PAPPA2: variants seen among roughly 807,000 people sequenced by gnomAD.
The protein encoded by PAPPA2 is pappalysin-2.
PAPPA2 carries 86 observed loss-of-function variants against 176.4 expected under a neutral mutation model. That is an observed-to-expected ratio of 0.49 (90% CI 0.41 to 0.58). The LOEUF (loss-of-function observed/expected upper bound fraction) is 0.58, where lower values mean the gene tolerates loss of function less well. PAPPA2 is among the 20% of genes least tolerant of loss of function. The pLI is 0.00. For missense variants in PAPPA2, 2,073 were observed against 2,256.9 expected (o/e 0.92, Z 1.65); for synonymous variants, 809 against 852.2 (o/e 0.95, Z 0.88).
intron 3 of PAPPA2, among the ~76,000 whole-genome samples, chr1:176,632,620 G>A (rs1454325349): frequency 6.6e-6 from 1 of 152,178 alleles, no homozygotes; most frequent in Non-Finnish European, 1.5e-5. Context: ...CCTTATTTTA[G>A]CAACAGACCC....
At chr1:176,575,710 T>G (rs1291139777) in intron 2 of PAPPA2, among the ~76,000 whole-genome samples, 1 of 152,248 alleles carries the variant, frequency 6.6e-6, no homozygotes, top group Admixed American at 6.5e-5. Flanking sequence ...TTAGGCTTTA[T>G]GTGTATTAAT....
chr1:176,604,234 T>C (rs1170422339), intron 3 of PAPPA2, among the ~76,000 whole-genome samples: 2 of 152,202 alleles, frequency 1.3e-5, no homozygotes, highest in Non-Finnish European at 2.9e-5. Flanking sequence ...CTTTATGGTT[T>C]CTTCCCCTGC....
At chr1:176,625,586 A>G (rs1371856736) in intron 3 of PAPPA2, among the ~76,000 whole-genome samples, 2 of 152,240 alleles carry the variant, frequency 1.3e-5, no homozygotes, top group East Asian at 3.8e-4. Flanking sequence ...GATGCAATAC[A>G]TAATTGTCTG....
chr1:176,832,871 T>C (rs1046157315), intron 21 of PAPPA2, among the ~76,000 whole-genome samples: 2 of 152,206 alleles, frequency 1.3e-5, no homozygotes, highest in African/African-American at 4.8e-5. Context: ...TCTAAGACTT[T>C]GCTTTGGTCT....
intron 2 of PAPPA2, among the ~76,000 whole-genome samples, chr1:176,573,560 A>G (rs1260705785): frequency 6.6e-6 from 1 of 152,196 alleles, no homozygotes. Context: ...CGTGTTTAAA[A>G]TTACTCAGGA....
intron 21 of PAPPA2, among the ~76,000 whole-genome samples, chr1:176,815,259 C>T (rs1557888509): frequency 1.3e-5 from 2 of 151,754 alleles, no homozygotes; most frequent in Non-Finnish European, 2.9e-5. Flanking sequence ...ACTTCAATTC[C>T]TGACTAAGAG....
chr1:176,640,882 C>T (rs12119628), intron 3 of PAPPA2, among the ~76,000 whole-genome samples: 31,862 of 149,198 alleles, frequency 0.21, 357 homozygotes, highest in South Asian at 0.28. Context: ...GATTGCCATT[C>T]TAACTGGTGT....
chr1:176,466,615 A>T (rs1453019261), intron 1 of PAPPA2, among the ~76,000 whole-genome samples: 2 of 152,190 alleles, frequency 1.3e-5, no homozygotes, highest in African/African-American at 4.8e-5. Flanking sequence ...GGAAGGTCTC[A>T]TGGAGAGAGT....
At chr1:176,682,626 AT>A (rs1417101129) in intron 4 of PAPPA2, among the ~76,000 whole-genome samples, 1 of 144,758 alleles carries the variant, frequency 6.9e-6, no homozygotes, top group South Asian at 2.3e-4. Flanking sequence ...TTATTTAAAA[AT>A]ATCCAATAAA....
intron 12 of PAPPA2, among the ~76,000 whole-genome samples, chr1:176,725,180 G>A (rs946817251): frequency 6.6e-6 from 1 of 152,124 alleles, no homozygotes; most frequent in African/African-American, 2.4e-5. Context: ...GAACTCGGAA[G>A]TTTGAATTTC....
At chr1:176,569,740 A>G (rs1652207695) in intron 2 of PAPPA2, among the ~76,000 whole-genome samples, 1 of 152,218 alleles carries the variant, frequency 6.6e-6, no homozygotes, top group Non-Finnish European at 1.5e-5. Context: ...TTGTGAGTTA[A>G]TAACAAATAA....
At chr1:176,527,345 T>C (rs1170166841) in intron 1 of PAPPA2, among the ~76,000 whole-genome samples, 2 of 152,230 alleles carry the variant, frequency 1.3e-5, no homozygotes, top group African/African-American at 2.4e-5. Flanking sequence ...GTATGTGTTA[T>C]CATCTCCACA....
intron 9 of PAPPA2, 120 bp from the exon 10 acceptor site, chr1:176,706,238 CT>C (rs1660875496): frequency 1.3e-6 from 1 of 779,214 alleles, no homozygotes. Flanking sequence ...CTAGCTCCTA[CT>C]TTTTTCCAAC....
intron 1 of PAPPA2, among the ~76,000 whole-genome samples, chr1:176,508,619 CAAT>C (rs942280796): frequency 6.6e-6 from 1 of 152,006 alleles, no homozygotes; most frequent in African/African-American, 2.4e-5. Context: ...GTCTCAATGA[CAAT>C]GATATGGTGT....
chr1:176,582,934 T>C (rs1573076788), intron 2 of PAPPA2, among the ~76,000 whole-genome samples: 1 of 152,234 alleles, frequency 6.6e-6, no homozygotes, highest in African/African-American at 2.4e-5. Context: ...TTGTTACCTG[T>C]TATTGATCTG....
At chr1:176,781,088 G>C (rs964629929) in intron 17 of PAPPA2, among the ~76,000 whole-genome samples, 6 of 152,132 alleles carry the variant, frequency 3.9e-5, no homozygotes, top group East Asian at 1.9e-4. Context: ...TGTTGAACTT[G>C]ATGTGAGAGA....
At chr1:176,487,594 G>T (rs1453550692) in intron 1 of PAPPA2, among the ~76,000 whole-genome samples, 2 of 152,182 alleles carry the variant, frequency 1.3e-5, no homozygotes, top group African/African-American at 4.8e-5. Context: ...GCAACAGCTA[G>T]ACCTGGTGAG....
intron 21 of PAPPA2, among the ~76,000 whole-genome samples, chr1:176,838,189 T>C (rs1046958185): frequency 3.3e-5 from 5 of 152,210 alleles, no homozygotes; most frequent in African/African-American, 1.2e-4. Context: ...TGTTCTCTAA[T>C]GTTCTTGAGA....
chr1:176,756,788 G>T (rs909400337), intron 14 of PAPPA2, among the ~76,000 whole-genome samples: 5 of 152,010 alleles, frequency 3.3e-5, no homozygotes, highest in Non-Finnish European at 7.4e-5. Context: ...GTATACATGT[G>T]CCATGTTGGT....
Sources: gnomAD v4.1 joint callset for allele counts (sites outside exome capture counted in the v4.1 genomes callset) on GRCh38, gnomAD v4.1.1 for gene constraint, MANE v1.5 for transcripts, NCBI Gene and HGNC (gene_info 2026-07-23, HGNC 2026-07-21) for gene names.